The following CDH17 variants were observed in gnomAD, a reference collection of about 807,000 sequenced individuals.
The protein encoded by CDH17 is cadherin-17.
CDH17 carries 67 observed loss-of-function variants against 86.3 expected under a neutral mutation model. That is an observed-to-expected ratio of 0.78 (90% CI 0.64 to 0.95). The LOEUF (loss-of-function observed/expected upper bound fraction) is 0.95. Ranked by LOEUF, CDH17 falls within the 40% of genes least tolerant of loss-of-function variation. The probability of loss-of-function intolerance (pLI) is 0.00; values close to 1 mark genes in which losing one functional copy is unlikely to be tolerated. For missense variants in CDH17, 993 were observed against 1,017.6 expected, an observed-to-expected ratio of 0.98 and a Z score of 0.33; for synonymous variants, 367 against 366.4, an observed-to-expected ratio of 1.00 and a Z score of -0.02.
chr8:94,136,400 C>T (rs1000281167), intron 15 of CDH17, among the ~76,000 whole-genome samples: 1 of 152,142 alleles, frequency 6.6e-6, no homozygotes, highest in African/African-American at 2.4e-5. Context: ...GATCTTCAAT[C>T]ACTGATACAC....
At chr8:94,153,448 A>G (rs1488388630) in intron 12 of CDH17, among the ~76,000 whole-genome samples, 2 of 152,234 alleles carry the variant, frequency 1.3e-5, no homozygotes, top group African/African-American at 4.8e-5. Flanking sequence ...GGAAAACAGT[A>G]TGGAGGAAAC....
rs930961004 is a variant in CDH17 at position 94,180,600 on chromosome 8, C to G, written c.151-2879G>C. Among the ~76,000 whole-genome samples, 14 of 152,206 alleles carry G rather than the reference C, an allele frequency of 9.2e-5. 1 individual carries two copies. The East Asian group carries it at 2.5e-3, about 27-fold the overall frequency. On this transcript the variant is annotated intron_variant, in intron 3 of 17. Transcript: ENST00000027335. ...TCAGAAGGCAGTGGAATGACACATTCAAAGTGCTAAAAGAGGCCGGGTGCA... is the reference window on the plus strand; with the variant it reads ...TCAGAAGGCAGTGGAATGACACATTGAAAGTGCTAAAAGAGGCCGGGTGCA...
chr8:94,180,255 G>C (rs1813452412), intron 3 of CDH17, among the ~76,000 whole-genome samples: 1 of 151,618 alleles, frequency 6.6e-6, no homozygotes, highest in Non-Finnish European at 1.5e-5. Context: ...GAAAAAAAAT[G>C]AACAAAAATG....
At chr8:94,204,395 A>G (rs4734271) in intron 1 of CDH17, among the ~76,000 whole-genome samples, 85,791 of 151,890 alleles carry the variant, frequency 0.56, 25,334 homozygotes, top group African/African-American at 0.73. Context: ...GAACATGCAG[A>G]GTTTGGTTTT....
intron 15 of CDH17, among the ~76,000 whole-genome samples, chr8:94,142,431 T>G (rs1812658087): frequency 6.6e-6 from 1 of 152,262 alleles, no homozygotes; most frequent in Non-Finnish European, 1.5e-5. Context: ...ATCTTTTTGC[T>G]GCAAATCATT....
chr8:94,182,718 CA>C (rs747134747), intron 3 of CDH17, among the ~76,000 whole-genome samples: 7 of 152,154 alleles, frequency 4.6e-5, no homozygotes, highest in Non-Finnish European at 8.8e-5. Flanking sequence ...CAAGGATACT[CA>C]ATCTTGCCAC....
At chr8:94,189,591 T>A (rs935647665) in intron 2 of CDH17, among the ~76,000 whole-genome samples, 1 of 152,212 alleles carries the variant, frequency 6.6e-6, no homozygotes, top group Non-Finnish European at 1.5e-5. Context: ...ACAGCACACA[T>A]GCTCAGGCCT....
At position 94,207,849 on chromosome 8, in the gene CDH17, T is replaced by C. The variant is rs189915352; in HGVS notation, c.-21+634A>G. Among the ~76,000 whole-genome samples the C allele has an allele frequency of 2.1e-3, 319 of 152,308 alleles. 3 individuals carry two copies. In the Middle Eastern group the frequency reaches 0.031, roughly 15 times the overall value. ...AAAATAACCACACATTAGCAGGTGG[T>C]AACTCCACCACCAAGGCCAAAAGCA... On this transcript the variant is annotated intron_variant, in intron 1 of 17. Coordinates refer to ENST00000027335, the MANE Select transcript of CDH17 (RefSeq NM_004063.4).
chr8:94,162,523 C>A (rs994972001), intron 10 of CDH17, among the ~76,000 whole-genome samples: 1 of 152,184 alleles, frequency 6.6e-6, no homozygotes, highest in Non-Finnish European at 1.5e-5. Flanking sequence ...AAGTCCAGAG[C>A]AAAACTGTCC....
At chr8:94,148,686 A>T (rs1417256515) in intron 14 of CDH17, 58 bp downstream of exon 14, 1 of 1,398,776 alleles carries the variant, frequency 7.1e-7, no homozygotes. Context: ...ATTTCAACCC[A>T]TGTATCTTCT....
At chr8:94,196,223 C>G (rs1813784180) in intron 1 of CDH17, among the ~76,000 whole-genome samples, 1 of 152,162 alleles carries the variant, frequency 6.6e-6, no homozygotes, top group Non-Finnish European at 1.5e-5. Flanking sequence ...AAAAATTTCA[C>G]TAACATTTTA....
intron 1 of CDH17, among the ~76,000 whole-genome samples, chr8:94,203,819 AG>A (rs1813970183): frequency 6.6e-6 from 1 of 152,194 alleles, no homozygotes; most frequent in Non-Finnish European, 1.5e-5. Flanking sequence ...TAGAGCAGAG[AG>A]GAAGACAGGG....
chr8:94,200,537 G>GTTTTTTT (rs10600702), intron 1 of CDH17, among the ~76,000 whole-genome samples: 1 of 56,912 alleles, frequency 1.8e-5, no homozygotes. Flanking sequence ...ATTATCTTTT[G>GTTTTTTT]TTTTTTTTTT....
intron 16 of CDH17, 62 bp from the exon 17 acceptor site, chr8:94,130,801 A>G: frequency 1.3e-6 from 2 of 1,518,410 alleles, no homozygotes; most frequent in Middle Eastern, 1.7e-4. Context: ...AGAATCCCAT[A>G]TCAAAGACAA....
At chr8:94,139,955 G>T (rs980889507) in intron 15 of CDH17, among the ~76,000 whole-genome samples, 1 of 152,014 alleles carries the variant, frequency 6.6e-6, no homozygotes, top group Non-Finnish European at 1.5e-5. Context: ...AAGAAAAAAT[G>T]TCTAAATAAA....
intron 1 of CDH17, among the ~76,000 whole-genome samples, chr8:94,214,117 A>G (rs758049541): frequency 1.3e-5 from 2 of 152,212 alleles, no homozygotes; most frequent in Non-Finnish European, 2.9e-5. Flanking sequence ...ACACAGCCAT[A>G]GTGAACTGTA....
chr8:94,177,272 T>C (rs1393744179), intron 4 of CDH17, among the ~76,000 whole-genome samples: 3 of 152,134 alleles, frequency 2.0e-5, no homozygotes, highest in East Asian at 1.9e-4. Context: ...GCAGATACCA[T>C]TGAAGTATCA....
At chr8:94,174,058 T>G (rs760936191) in intron 6 of CDH17, 44 bp downstream of exon 6, 7 of 1,609,402 alleles carry the variant, frequency 4.3e-6, no homozygotes, top group Non-Finnish European at 6.0e-6. Context: ...CCAAACTCCC[T>G]TTTTCTGATC....
At chr8:94,168,143 T>TATATATAA in intron 9 of CDH17, among the ~76,000 whole-genome samples, 1 of 101,570 alleles carries the variant, frequency 9.8e-6, no homozygotes, top group African/African-American at 5.8e-5. Context: ...TATATATATA[T>TATATATAA]ATATATATAT....
Sources: allele counts gnomAD v4.1 joint callset (sites outside exome capture counted in the v4.1 genomes callset), GRCh38; gene constraint gnomAD v4.1.1; transcripts MANE v1.5; gene names NCBI Gene and HGNC (gene_info 2026-07-23, HGNC 2026-07-21).